Variants in NR2F1-AS1 observed in about 807,000 individuals in gnomAD.
NR2F1-AS1 encodes the protein NR2F1 antisense RNA 1.
intron 4 of NR2F1-AS1, among the ~76,000 whole-genome samples, chr5:93,491,023 G>A (rs1296880622): frequency 6.7e-6 from 1 of 149,932 alleles, no homozygotes; most frequent in Admixed American, 6.7e-5. Context: ...AGTGGTGGTG[G>A]TGGTAGTGAT....
intron 4 of NR2F1-AS1, among the ~76,000 whole-genome samples, chr5:93,486,514 GAC>G (rs983127896): frequency 3.0e-4 from 46 of 151,978 alleles, no homozygotes; most frequent in Non-Finnish European, 6.0e-4. Flanking sequence ...TAAATTCCTC[GAC>G]ACATACACCC....
intron 4 of NR2F1-AS1, among the ~76,000 whole-genome samples, chr5:93,481,809 A>T (rs1380973923): frequency 6.6e-6 from 1 of 152,152 alleles, no homozygotes; most frequent in African/African-American, 2.4e-5. Context: ...TTTAAAAAAA[A>T]TAGGTTAAGA....
intron 4 of NR2F1-AS1, among the ~76,000 whole-genome samples, chr5:93,481,587 CA>C (rs1258257997): frequency 1.3e-5 from 2 of 151,916 alleles, no homozygotes; most frequent in Non-Finnish European, 2.9e-5. Flanking sequence ...AACACTCTAC[CA>C]AAAATGGAAG....
At chr5:93,481,404 G>C (rs1197583262) in intron 4 of NR2F1-AS1, among the ~76,000 whole-genome samples, 2 of 151,938 alleles carry the variant, frequency 1.3e-5, no homozygotes, top group African/African-American at 4.8e-5. Context: ...AGAGAAAACA[G>C]GCTAGAAGAC....
chr5:93,437,876 T>G (rs1001213328), intron 4 of NR2F1-AS1, among the ~76,000 whole-genome samples: 1 of 152,312 alleles, frequency 6.6e-6, no homozygotes, highest in Non-Finnish European at 1.5e-5. Context: ...ACTGAATACC[T>G]TTATTTAGAT....
At chr5:93,519,634 T>C (rs1197624029) in intron 4 of NR2F1-AS1, among the ~76,000 whole-genome samples, 1 of 151,998 alleles carries the variant, frequency 6.6e-6, no homozygotes, top group Admixed American at 6.6e-5. Context: ...AAAGGACCTC[T>C]AAAACAATGC....
At chr5:93,464,482 T>C (rs1461111244) in intron 4 of NR2F1-AS1, among the ~76,000 whole-genome samples, 1 of 152,244 alleles carries the variant, frequency 6.6e-6, no homozygotes, top group Non-Finnish European at 1.5e-5. Context: ...CTTAGAAATT[T>C]AACAGCACAT....
upstream of NR2F1-AS1, chr5:93,584,908 C>T (rs1753199821): frequency 7.0e-6 from 1 of 142,042 alleles, no homozygotes; most frequent in Non-Finnish European, 1.6e-5. Flanking sequence ...CCGGCGGGCC[C>T]CCCGCCCCCT....
At chr5:93,462,909 T>C (rs1479252316) in intron 4 of NR2F1-AS1, among the ~76,000 whole-genome samples, 1 of 152,144 alleles carries the variant, frequency 6.6e-6, no homozygotes, top group African/African-American at 2.4e-5. Context: ...CATTCAGTTT[T>C]AAAAGGGAAA....
At chr5:93,456,161 A>G (rs1382595796) in intron 4 of NR2F1-AS1, among the ~76,000 whole-genome samples, 1 of 152,216 alleles carries the variant, frequency 6.6e-6, no homozygotes, top group African/African-American at 2.4e-5. Flanking sequence ...ATGATTATTT[A>G]TAATTATTTC....
At chr5:93,543,134 G>A (rs951573469) in intron 4 of NR2F1-AS1, 29 of 152,184 alleles carry the variant, frequency 1.9e-4, no homozygotes, top group African/African-American at 6.8e-4. Flanking sequence ...AAAAGCAAAT[G>A]CAAATTATTC....
chr5:93,475,922 T>C (rs1580258756), intron 4 of NR2F1-AS1, among the ~76,000 whole-genome samples: 1 of 152,210 alleles, frequency 6.6e-6, no homozygotes, highest in East Asian at 1.9e-4. Context: ...ACTACTAAAA[T>C]CACATTAGTT....
chr5:93,494,612 C>T (rs928241110), intron 4 of NR2F1-AS1, among the ~76,000 whole-genome samples: 3 of 152,256 alleles, frequency 2.0e-5, no homozygotes, highest in Non-Finnish European at 2.9e-5. Flanking sequence ...AAGACTCCAT[C>T]TCAAAAGAAG....
chr5:93,574,063 A>T (rs1171898832), intron 1 of NR2F1-AS1, among the ~76,000 whole-genome samples: 2 of 152,246 alleles, frequency 1.3e-5, no homozygotes, highest in Non-Finnish European at 2.9e-5. Context: ...CATTGTCTGC[A>T]ATTAGTCCTG....
intron 4 of NR2F1-AS1, among the ~76,000 whole-genome samples, chr5:93,465,950 G>C (rs13158294): frequency 6.6e-6 from 1 of 152,126 alleles, no homozygotes; most frequent in African/African-American, 2.4e-5. Context: ...GGGAGGGTTA[G>C]CATTAGGAGA....
At chr5:93,439,198 G>A (rs898400773) in intron 4 of NR2F1-AS1, among the ~76,000 whole-genome samples, 2 of 152,232 alleles carry the variant, frequency 1.3e-5, no homozygotes, top group Admixed American at 1.3e-4. Context: ...TGAAGAGAAT[G>A]TGCCATCTGT....
At chr5:93,530,479 A>G (rs1751713775) in intron 4 of NR2F1-AS1, among the ~76,000 whole-genome samples, 1 of 152,158 alleles carries the variant, frequency 6.6e-6, no homozygotes, top group Non-Finnish European at 1.5e-5. Flanking sequence ...TTTAGGCCCT[A>G]GAGAGTTCCC....
At chr5:93,581,757 TCTCCTCTCTCCCTCTCC>T (rs1753065693), upstream of NR2F1-AS1, among the ~76,000 whole-genome samples, 14 of 24,198 alleles carry the variant, frequency 5.8e-4, no homozygotes, top group Non-Finnish European at 9.1e-4. Flanking sequence ...TCCCTCTCCC[TCTCCTCTCTCCCTCTCC>T]CTCTCCCTCT....
At chr5:93,484,035 T>C (rs1750661644) in intron 4 of NR2F1-AS1, among the ~76,000 whole-genome samples, 1 of 152,134 alleles carries the variant, frequency 6.6e-6, no homozygotes, top group African/African-American at 2.4e-5. Context: ...CTTCAGGATA[T>C]TATCCATGAG....
Sources: gnomAD v4.1 joint callset for allele counts (sites outside exome capture counted in the v4.1 genomes callset) on GRCh38, gnomAD v4.1.1 for gene constraint, MANE v1.5 for transcripts, NCBI Gene and HGNC (gene_info 2026-07-23, HGNC 2026-07-21) for gene names.